FER1L6: variants seen among roughly 807,000 people sequenced by gnomAD.
FER1L6 encodes fer-1-like protein 6.
In FER1L6, 177 loss-of-function variants were observed where a neutral mutation model predicts 219.2. The observed-to-expected ratio is 0.81, with a 90% CI of 0.71 to 0.91. The LOEUF (loss-of-function observed/expected upper bound fraction) is 0.91, where lower values mean the gene tolerates loss of function less well. Among genes scored for constraint, FER1L6 ranks in the 40% least tolerant of loss-of-function variants. FER1L6 has a pLI of 0.00. For missense variants in FER1L6, 2,153 were observed against 2,259.9 expected (o/e 0.95, Z 0.96); for synonymous variants, 768 against 824.3 (o/e 0.93, Z 1.17).
At position 123,986,070 on chromosome 8, in the gene FER1L6, T is replaced by G; in HGVS notation, c.1413T>G (p.Ile471Met). ...EVESFDVPPE[I>M]VPEKNEEFLL... Reference sequence around the variant, plus strand: ...ATAATTTTGTTTTCTTTCTGTAGATTGTACCAGAAAAAAATGAGGAATTTT... The same window carrying G: ...ATAATTTTGTTTTCTTTCTGTAGATGGTACCAGAAAAAAATGAGGAATTTT... Residue 471 changes from isoleucine (I) to methionine (M), a missense_variant and splice_region_variant, in exon 12 of 41, where the codon ATT becomes ATG. Transcript: ENST00000522917. The G allele has an allele frequency of 6.3e-7, 1 of 1,594,214 alleles. No individual in the cohort carries two copies. The highest frequency in any genetic ancestry group is 8.6e-7 in the Non-Finnish European group (1 of 1,161,948).
intron 1 of FER1L6, among the ~76,000 whole-genome samples, chr8:123,914,338 A>T (rs1813125605): frequency 6.6e-6 from 1 of 152,188 alleles, no homozygotes; most frequent in Admixed American, 6.5e-5. Flanking sequence ...GCCTGAAAGC[A>T]TTTAGCTTTT....
In FER1L6 at chr8:124,019,145, A is replaced by C. The variant is rs76828070; in HGVS notation, c.2013+1427A>C. The stretch of plus-strand genomic sequence containing the variant: ...AGGATAAAATCTAAATCCCTTTTGC[A>C]TGATACATTGGGCTATTTACTATCT... On this transcript the variant is annotated intron_variant, in intron 16 of 40. Coordinates refer to ENST00000522917, the MANE Select transcript of FER1L6 (RefSeq NM_001039112.2). Among the ~76,000 whole-genome samples, 7 of 152,294 alleles carry C rather than the reference A, an allele frequency of 4.6e-5. No homozygotes were observed. In the South Asian group the frequency reaches 6.2e-4, roughly 14 times the overall value.
At chr8:123,974,597 T>G (rs1815965606) in intron 7 of FER1L6, among the ~76,000 whole-genome samples, 2 of 145,810 alleles carry the variant, frequency 1.4e-5, no homozygotes, top group Non-Finnish European at 3.0e-5. Context: ...GATCATGCCA[T>G]TGCTCTCCAG....
intron 5 of FER1L6, 149 bp from the exon 6 acceptor site, chr8:123,969,886 A>AAAAAAAC: frequency 1.7e-6 from 1 of 576,084 alleles, no homozygotes; most frequent in African/African-American, 2.0e-5. Flanking sequence ...AAAAAAAAAA[A>AAAAAAAC]GAGAATTGAC....
chr8:124,038,094 C>T (rs4871452), intron 19 of FER1L6, among the ~76,000 whole-genome samples: 124,854 of 152,170 alleles, frequency 0.82, 51,494 homozygotes, highest in Non-Finnish European at 0.87. Context: ...CTCAGTGATA[C>T]GACTACAGCT....
At chr8:123,854,088 G>C (rs1280007564) in intron 1 of FER1L6, among the ~76,000 whole-genome samples, 3 of 152,148 alleles carry the variant, frequency 2.0e-5, no homozygotes, top group Non-Finnish European at 4.4e-5. Flanking sequence ...AAAATGAAAA[G>C]ACGTCTGGTG....
intron 18 of FER1L6, among the ~76,000 whole-genome samples, chr8:124,026,675 A>G (rs1818719440): frequency 6.6e-6 from 1 of 151,396 alleles, no homozygotes; most frequent in Admixed American, 6.6e-5. Flanking sequence ...TAGCCTCTAA[A>G]TGCTGTCTAA....
rs1465341981 is a variant in FER1L6 at position 123,852,478 on chromosome 8, G to A, written c.-8+293G>A. 1.4e-5 allele frequency among the ~76,000 whole-genome samples: 1 copy of A among 73,076 alleles called. No homozygotes were observed. Among genetic ancestry groups the A allele is most frequent in the Non-Finnish European group, 3.1e-5 (1 of 31,774 alleles). The allele number at this position is 73,076 out of a possible 152,430, so 47.9% of individuals were successfully genotyped here. On this transcript the variant is annotated intron_variant, in intron 1 of 40. Transcript: ENST00000522917. This position sits in a 1 kb window ranked among gnomAD's most constrained non-coding sequence, Gnocchi z 4.9. ...CTCCATGTTGTGAGCATGCGTGTGT[G>A]TGTGTGTGTGTGTGTGTGTGTGTGT...
intron 1 of FER1L6, among the ~76,000 whole-genome samples, chr8:123,931,563 G>A (rs918948108): frequency 6.6e-6 from 1 of 152,222 alleles, no homozygotes; most frequent in Non-Finnish European, 1.5e-5. Flanking sequence ...CCAACCCACT[G>A]CAATAGGCCA....
intron 1 of FER1L6, among the ~76,000 whole-genome samples, chr8:123,934,205 C>T (rs1024698396): frequency 1.3e-5 from 2 of 152,160 alleles, no homozygotes; most frequent in Non-Finnish European, 1.5e-5. Flanking sequence ...CTGCAACCTC[C>T]GCCTCCAGGG....
chr8:124,093,552 AATG>A (rs1251452511), intron 34 of FER1L6, among the ~76,000 whole-genome samples: 1 of 152,096 alleles, frequency 6.6e-6, no homozygotes, highest in Non-Finnish European at 1.5e-5. Context: ...ATAGGACATT[AATG>A]ATATATTGAG....
chr8:124,006,029 G>A (rs576350699), intron 13 of FER1L6, among the ~76,000 whole-genome samples: 10 of 152,182 alleles, frequency 6.6e-5, no homozygotes, highest in Non-Finnish European at 1.2e-4. Flanking sequence ...TTTATCTGTC[G>A]TTCTTCACAA....
intron 18 of FER1L6, among the ~76,000 whole-genome samples, chr8:124,032,520 G>A (rs1200196006): frequency 6.6e-6 from 1 of 152,086 alleles, no homozygotes; most frequent in Non-Finnish European, 1.5e-5. Context: ...CTTTAGTCCA[G>A]GAGTTTGAGA....
chr8:124,045,866 T>G lies in FER1L6; in HGVS notation c.2689T>G (p.Leu897Val). 1.2e-6 allele frequency: 2 copies of G among 1,614,018 alleles called. No individual in the cohort carries two copies. The highest frequency in any genetic ancestry group is 1.7e-6 in the Non-Finnish European group (2 of 1,179,980). The change falls in exon 21 of 41, where the codon TTA becomes GTA. Residue 897 changes from leucine to valine, a missense_variant. Transcript: ENST00000522917. The part of the protein sequence containing the change: ...DVKELAESPP[L>V]VVVELYDSDA... ...GAAGGAGCTGGCAGAGTCCCCGCCC[T>G]TAGTGGTGGTGGAGCTGTATGACAG...
intron 1 of FER1L6, among the ~76,000 whole-genome samples, chr8:123,867,919 G>T (rs1268447204): frequency 6.6e-6 from 1 of 152,182 alleles, no homozygotes; most frequent in Non-Finnish European, 1.5e-5. Context: ...ATGAGGTCCT[G>T]TTCTGCTCTC....
chr8:124,033,933 C>A (rs1186237942), intron 18 of FER1L6, among the ~76,000 whole-genome samples: 1 of 152,098 alleles, frequency 6.6e-6, no homozygotes, highest in Non-Finnish European at 1.5e-5. Context: ...TCTTCTGGCC[C>A]CACTCCCTCA....
chr8:124,040,109 C>T, intron 20 of FER1L6, 103 bp downstream of exon 20: 1 of 1,447,748 alleles, frequency 6.9e-7, no homozygotes, highest in Non-Finnish European at 9.6e-7. Flanking sequence ...CAAATACCTG[C>T]ATCTTTGGGT....
At chr8:123,947,959 G>C (rs1814580056) in intron 1 of FER1L6, among the ~76,000 whole-genome samples, 1 of 152,200 alleles carries the variant, frequency 6.6e-6, no homozygotes, top group Non-Finnish European at 1.5e-5. Flanking sequence ...AAGAGAGTGT[G>C]TGAGTTTAGG....
intron 12 of FER1L6, among the ~76,000 whole-genome samples, chr8:123,989,892 A>G (rs1343574174): frequency 2.0e-5 from 3 of 152,186 alleles, no homozygotes; most frequent in Admixed American, 2.0e-4. Flanking sequence ...AGGAGTCTTT[A>G]TGATATAATG....
Sources: allele counts gnomAD v4.1 joint callset (sites outside exome capture counted in the v4.1 genomes callset), GRCh38; gene constraint gnomAD v4.1.1; non-coding constraint Gnocchi (gnomAD v3.1); transcripts MANE v1.5; gene names NCBI Gene and HGNC (gene_info 2026-07-23, HGNC 2026-07-21).